Variants in MACROD2 observed in about 807,000 individuals in gnomAD.
The protein encoded by MACROD2 is ADP-ribose glycohydrolase MACROD2.
Under a neutral mutation model 70.4 loss-of-function variants are expected in MACROD2, and 36 were observed. That is an observed-to-expected ratio of 0.51 (90% confidence interval 0.39 to 0.68). The LOEUF (loss-of-function observed/expected upper bound fraction) is 0.68, where lower values mean the gene tolerates loss of function less well. Among genes scored for constraint, MACROD2 ranks in the 30% least tolerant of loss-of-function variants. MACROD2 has a pLI of 0.00. For synonymous variants in MACROD2, 172 were observed against 178.8 expected (o/e 0.96, Z 0.30); for missense variants, 496 against 538.4 (o/e 0.92, Z 0.78).
Position 14,833,322 on chromosome 20 carries a change from A to C in MACROD2, c.418+148363A>C, listed in dbSNP as rs1381891973. The stretch of plus-strand genomic sequence containing the variant: ...CATGACTTAGGAGAAATCCCTGAGG[A>C]AGAAAAAATTGAGAGAATCAAAGTC... On this transcript the variant is annotated intron_variant, in intron 5 of 17. Coordinates refer to ENST00000684519, the MANE Select transcript of MACROD2 (RefSeq NM_001351661.2). 3.3e-5 allele frequency among the ~76,000 whole-genome samples: 5 copies of C among 152,084 alleles called. 1 individual carries two copies. Among genetic ancestry groups the C allele is most frequent in the Non-Finnish European group, 7.4e-5 (5 of 67,994 alleles).
chr20:14,794,263 C>G (rs948522613), intron 5 of MACROD2, among the ~76,000 whole-genome samples: 16 of 152,122 alleles, frequency 1.1e-4, no homozygotes, highest in African/African-American at 3.6e-4. Context: ...CTCAAATTAT[C>G]TTTTGAAAAG....
chr20:14,499,557 T>C (rs528767356), intron 4 of MACROD2, among the ~76,000 whole-genome samples: 1 of 151,812 alleles, frequency 6.6e-6, no homozygotes, highest in African/African-American at 2.4e-5. Context: ...CTGACTGCCT[T>C]AGGTGGGATT....
chr20:14,604,130 T>C (rs1411807898), intron 4 of MACROD2, among the ~76,000 whole-genome samples: 1 of 152,212 alleles, frequency 6.6e-6, no homozygotes, highest in East Asian at 1.9e-4. Flanking sequence ...TCGAATTAAC[T>C]ACTCAATTAT....
At chr20:14,826,371 T>G (rs2122222514) in intron 5 of MACROD2, among the ~76,000 whole-genome samples, 1 of 152,292 alleles carries the variant, frequency 6.6e-6, no homozygotes, top group South Asian at 2.1e-4. Flanking sequence ...CTAATGTCTC[T>G]AATACAAATT....
At chr20:15,463,810 A>G (rs2046849738) in intron 7 of MACROD2, among the ~76,000 whole-genome samples, 1 of 152,242 alleles carries the variant, frequency 6.6e-6, no homozygotes, top group South Asian at 2.1e-4. Flanking sequence ...ATTTTAAAAT[A>G]AGCACATTTA....
At chr20:14,513,670 A>T (rs760854132) in intron 4 of MACROD2, among the ~76,000 whole-genome samples, 2 of 152,100 alleles carry the variant, frequency 1.3e-5, no homozygotes, top group East Asian at 3.8e-4. Flanking sequence ...TACATAAAAA[A>T]ACTCACTATG....
intron 3 of MACROD2, among the ~76,000 whole-genome samples, chr20:14,492,811 C>A (rs1264877791): frequency 6.6e-6 from 1 of 152,050 alleles, no homozygotes; most frequent in Non-Finnish European, 1.5e-5. Flanking sequence ...AATACTTCAG[C>A]AGAAACCTGC....
At chr20:15,349,683 G>C (rs977319277) in intron 6 of MACROD2, among the ~76,000 whole-genome samples, 1 of 151,356 alleles carries the variant, frequency 6.6e-6, no homozygotes, top group Non-Finnish European at 1.5e-5. Context: ...TTGAACCTGG[G>C]AGGCGGAGGT....
intron 6 of MACROD2, among the ~76,000 whole-genome samples, chr20:15,271,456 C>T (rs368429737): frequency 9.9e-5 from 15 of 152,174 alleles, no homozygotes; most frequent in African/African-American, 3.4e-4. Context: ...CAGACAATCT[C>T]TTTCCAAAAA....
intron 3 of MACROD2, among the ~76,000 whole-genome samples, chr20:14,132,146 AAAG>A (rs1318953342): frequency 2.6e-5 from 4 of 151,154 alleles, no homozygotes; most frequent in Non-Finnish European, 3.0e-5. Context: ...AAAAAAAAAA[AAAG>A]ATTCTCCCAC....
chr20:15,967,588 G>A lies in MACROD2; in HGVS notation c.943G>A (p.Glu315Lys), dbSNP rs776197971. ...GGATGAAAATATTACAAAAGGCGGT[G>A]AAGTGACAGATCATTCTGTGCGTGA... is the stretch of plus-strand genomic sequence containing the variant. ...AKDENITKGG[E>K]VTDHSVRDQD... is the part of the protein sequence containing the mutation. Residue 315 changes from glutamate to lysine, a missense_variant, in exon 13 of 18, where the codon GAA becomes AAA. By Grantham distance (56) the Glu-to-Lys change is moderately conservative. Coordinates refer to ENST00000684519, the MANE Select transcript of MACROD2 (RefSeq NM_001351661.2). 6.2e-7 allele frequency: 1 copy of A among 1,606,882 alleles called. No homozygotes were observed. Among genetic ancestry groups the A allele is most frequent in the African/African-American group, 1.3e-5 (1 of 74,346 alleles).
chr20:16,024,414 A>C (rs180890880), intron 15 of MACROD2, among the ~76,000 whole-genome samples: 1 of 152,288 alleles, frequency 6.6e-6, no homozygotes, highest in African/African-American at 2.4e-5. Flanking sequence ...GTAGTAACAA[A>C]TAGCTATAAA....
At chr20:14,925,634 T>C (rs946917019) in intron 5 of MACROD2, among the ~76,000 whole-genome samples, 1 of 152,220 alleles carries the variant, frequency 6.6e-6, no homozygotes, top group African/African-American at 2.4e-5. Context: ...TGAGCTGTTA[T>C]ATCCTCTAGA....
chr20:15,222,710 G>A (rs2076872381), intron 5 of MACROD2, among the ~76,000 whole-genome samples: 3 of 152,344 alleles, frequency 2.0e-5, no homozygotes, highest in Admixed American at 2.0e-4. Flanking sequence ...CACTTGGTCT[G>A]ACTGTTCATT....
At chr20:14,711,900 C>G (rs979926385) in intron 5 of MACROD2, among the ~76,000 whole-genome samples, 1 of 152,144 alleles carries the variant, frequency 6.6e-6, no homozygotes, top group African/African-American at 2.4e-5. Flanking sequence ...TAGGAATCGC[C>G]TTAGAGCTAG....
chr20:14,143,176 A>G (rs958881988), intron 3 of MACROD2, among the ~76,000 whole-genome samples: 1 of 152,216 alleles, frequency 6.6e-6, no homozygotes, highest in Admixed American at 6.5e-5. Flanking sequence ...TTGGCTTTGT[A>G]CATTGTTTTC....
At chr20:15,006,003 A>G (rs1433680717) in intron 5 of MACROD2, among the ~76,000 whole-genome samples, 2 of 152,194 alleles carry the variant, frequency 1.3e-5, no homozygotes, top group South Asian at 2.1e-4. Flanking sequence ...TATCGTCTCT[A>G]GCCTAAATGC....
intron 10 of MACROD2, among the ~76,000 whole-genome samples, chr20:15,931,660 G>T (rs888583812): frequency 6.6e-6 from 1 of 151,452 alleles, no homozygotes. Flanking sequence ...AAAAAAAAAA[G>T]TAGTTATATT....
intron 4 of MACROD2, among the ~76,000 whole-genome samples, chr20:14,666,406 G>C (rs1466524384): frequency 6.6e-6 from 1 of 151,942 alleles, no homozygotes; most frequent in Non-Finnish European, 1.5e-5. Context: ...AGAAAGTTGG[G>C]GACTTTCTGT....
Sources: allele counts gnomAD v4.1 joint callset (sites outside exome capture counted in the v4.1 genomes callset), GRCh38; gene constraint gnomAD v4.1.1; transcripts MANE v1.5; gene names NCBI Gene and HGNC (gene_info 2026-07-23, HGNC 2026-07-21).